ROBO1: variants seen among roughly 807,000 people sequenced by gnomAD.
ROBO1 encodes roundabout guidance receptor 1.
In ROBO1, 149 loss-of-function variants were observed where a neutral mutation model predicts 195.9. The ratio of observed to expected loss-of-function variants is 0.76; its 90% confidence interval spans 0.67 to 0.87. ROBO1 has a LOEUF of 0.87. ROBO1 is among the 40% of genes least tolerant of loss of function. The pLI, the probability that ROBO1 is intolerant of heterozygous loss-of-function variation, is 0.00. For synonymous variants in ROBO1, 816 were observed against 733.2 expected (o/e 1.11, Z -1.82); for missense variants, 1,933 against 2,068.3 (o/e 0.93, Z 1.27).
At chr3:78,965,078 G>C (rs2076611402) in intron 3 of ROBO1, among the ~76,000 whole-genome samples, 1 of 151,870 alleles carries the variant, frequency 6.6e-6, no homozygotes, top group African/African-American at 2.4e-5. Flanking sequence ...AGGTTCAATA[G>C]ATGATATAAA....
intron 1 of ROBO1, among the ~76,000 whole-genome samples, chr3:79,642,583 T>C (rs1945698189): frequency 6.6e-6 from 1 of 152,078 alleles, no homozygotes; most frequent in Non-Finnish European, 1.5e-5. Context: ...CAAGTCTCAA[T>C]GGAAACCATA....
rs372871131 is a variant in ROBO1, at chr3:79,639,151, C to T, written c.-50-49190G>A. On this transcript the variant is annotated intron_variant, in intron 1 of 30. Coordinates refer to ENST00000464233, the MANE Select transcript of ROBO1 (RefSeq NM_002941.4). Reference sequence around the variant, plus strand: ...CTGATTGTATTACTAATTCTATATGCAAACTTTATAGATTATCTGAATATC... The same window carrying T: ...CTGATTGTATTACTAATTCTATATGTAAACTTTATAGATTATCTGAATATC... Among the ~76,000 whole-genome samples, 7 of 152,214 alleles carry T rather than the reference C, an allele frequency of 4.6e-5. No individual in the cohort carries two copies. The East Asian group carries it at 1.4e-3, about 29-fold the overall frequency.
At chr3:79,474,020 C>A (rs2107335906) in intron 2 of ROBO1, among the ~76,000 whole-genome samples, 1 of 152,172 alleles carries the variant, frequency 6.6e-6, no homozygotes, top group East Asian at 1.9e-4. Flanking sequence ...TTTTATTTTA[C>A]AATTATTAAT....
At chr3:78,927,227 C>T (rs9839144) in intron 4 of ROBO1, among the ~76,000 whole-genome samples, 18,773 of 152,112 alleles carry the variant, frequency 0.12, 2,984 homozygotes, top group African/African-American at 0.37. Context: ...CAATATAGGA[C>T]AGAACAAAAC....
chr3:79,201,671 G>A (rs1559731585), intron 2 of ROBO1, among the ~76,000 whole-genome samples: 1 of 151,696 alleles, frequency 6.6e-6, no homozygotes, highest in Non-Finnish European at 1.5e-5. Flanking sequence ...TTGTAACATT[G>A]GACAAATTAT....
At chr3:79,520,826 A>G (rs1941176413) in intron 2 of ROBO1, among the ~76,000 whole-genome samples, 1 of 151,504 alleles carries the variant, frequency 6.6e-6, no homozygotes, top group African/African-American at 2.4e-5. Context: ...CTAACCTAGA[A>G]GCAAACCAGA....
At chr3:79,564,984 A>C (rs1452074624) in intron 2 of ROBO1, among the ~76,000 whole-genome samples, 2 of 152,268 alleles carry the variant, frequency 1.3e-5, no homozygotes, top group African/African-American at 4.8e-5. Flanking sequence ...CAATCAATTA[A>C]ATTGATAAAA....
chr3:78,645,499 A>C (rs1001212840), intron 21 of ROBO1, among the ~76,000 whole-genome samples: 6 of 151,158 alleles, frequency 4.0e-5, no homozygotes, highest in African/African-American at 1.5e-4. Flanking sequence ...TTGGCTCATC[A>C]CATAACTTAT....
intron 3 of ROBO1, among the ~76,000 whole-genome samples, chr3:79,063,115 A>T (rs1050871849): frequency 1.3e-5 from 2 of 151,964 alleles, no homozygotes; most frequent in African/African-American, 4.8e-5. Flanking sequence ...CTGGAGTAGA[A>T]CCATGAACAT....
intron 2 of ROBO1, among the ~76,000 whole-genome samples, chr3:79,170,335 C>T (rs964859888): frequency 6.6e-6 from 1 of 152,126 alleles, no homozygotes; most frequent in East Asian, 1.9e-4. Context: ...ACTTAGGTTG[C>T]TATTTATCAG....
chr3:78,827,821 T>A (rs2031770518), intron 4 of ROBO1, among the ~76,000 whole-genome samples: 1 of 152,164 alleles, frequency 6.6e-6, no homozygotes, highest in South Asian at 2.1e-4. Flanking sequence ...ACTGATTGGA[T>A]GAGGCCCACC....
At chr3:78,919,639 A>G (rs1476056233) in intron 4 of ROBO1, among the ~76,000 whole-genome samples, 2 of 152,208 alleles carry the variant, frequency 1.3e-5, no homozygotes, top group Non-Finnish European at 2.9e-5. Flanking sequence ...CTCCCTGGTC[A>G]TGTTATTTTA....
chr3:79,742,790 T>C (rs1166094861), intron 1 of ROBO1, among the ~76,000 whole-genome samples: 1 of 152,190 alleles, frequency 6.6e-6, no homozygotes, highest in African/African-American at 2.4e-5. Context: ...TATTGTGACA[T>C]TAGCAGTTCT....
chr3:79,722,118 T>C (rs1702731387), intron 1 of ROBO1, among the ~76,000 whole-genome samples: 1 of 152,190 alleles, frequency 6.6e-6, no homozygotes, highest in African/African-American at 2.4e-5. Context: ...AAACAGACTT[T>C]AAAAGTAATA....
At chr3:79,383,825 T>C (rs1354994417) in intron 2 of ROBO1, among the ~76,000 whole-genome samples, 1 of 152,090 alleles carries the variant, frequency 6.6e-6, no homozygotes, top group Non-Finnish European at 1.5e-5. Context: ...GCAGGTCAGA[T>C]ACCTTTCCCT....
chr3:79,625,423 G>GAAAAAAAAAAAAAAAA, intron 1 of ROBO1, among the ~76,000 whole-genome samples: 6 of 13,884 alleles, frequency 4.3e-4, no homozygotes, highest in Admixed American at 1.9e-3. Flanking sequence ...TGTTTTTTTT[G>GAAAAAAAAAAAAAAAA]AAAAAAAAAA....
intron 9 of ROBO1, among the ~76,000 whole-genome samples, chr3:78,686,932 G>T (rs929734382): frequency 2.6e-5 from 4 of 152,074 alleles, no homozygotes; most frequent in African/African-American, 9.7e-5. Context: ...CAAAAAAATA[G>T]ATCATGTTAT....
intron 2 of ROBO1, among the ~76,000 whole-genome samples, chr3:79,450,157 C>T (rs1227831056): frequency 9.9e-5 from 15 of 150,760 alleles, no homozygotes; most frequent in Admixed American, 9.3e-4. Flanking sequence ...TAAGGATAGG[C>T]ATATGATTCA....
At chr3:79,550,384 T>A (rs1942466119) in intron 2 of ROBO1, among the ~76,000 whole-genome samples, 1 of 152,140 alleles carries the variant, frequency 6.6e-6, no homozygotes, top group Non-Finnish European at 1.5e-5. Context: ...CCAGCCATGA[T>A]AAGTCAAAGC....
Sources: allele counts gnomAD v4.1 joint callset (sites outside exome capture counted in the v4.1 genomes callset), GRCh38; gene constraint gnomAD v4.1.1; transcripts MANE v1.5; gene names NCBI Gene and HGNC (gene_info 2026-07-23, HGNC 2026-07-21).